The following KIAA1549L variants were observed in gnomAD, a reference collection of about 807,000 sequenced individuals.
The protein encoded by KIAA1549L is KIAA1549 like.
In KIAA1549L, 88 loss-of-function variants were observed where a neutral mutation model predicts 160.7. That is an observed-to-expected ratio of 0.55 (90% CI 0.46 to 0.65). The LOEUF (loss-of-function observed/expected upper bound fraction) is 0.65. Ranked by LOEUF, KIAA1549L falls within the 30% of genes least tolerant of loss-of-function variation. The pLI is 0.00. For synonymous variants in KIAA1549L, 950 were observed against 976.7 expected, an observed-to-expected ratio of 0.97 and a Z score of 0.51; for missense variants, 2,258 against 2,437.5, an observed-to-expected ratio of 0.93 and a Z score of 1.55.
intron 18 of KIAA1549L, 67 bp downstream of exon 18, chr11:33,656,176 CT>C: frequency 2.5e-6 from 3 of 1,203,586 alleles, no homozygotes; most frequent in Non-Finnish European, 3.6e-6. Flanking sequence ...GTACCCTGAC[CT>C]GACAACAGCA....
At chr11:33,665,375 C>G (rs906758559) in intron 20 of KIAA1549L, 16 of 151,992 alleles carry the variant, frequency 1.1e-4, no homozygotes, top group African/African-American at 3.6e-4. Flanking sequence ...ACTGCTCATT[C>G]CACTGTCTGC....
chr11:33,624,496 A>T (rs7117579), intron 16 of KIAA1549L, among the ~76,000 whole-genome samples: 109,945 of 152,114 alleles, frequency 0.72, 40,790 homozygotes, highest in African/African-American at 0.91. Context: ...AGCAAACATT[A>T]ATTGAGTGCA....
intron 16 of KIAA1549L, among the ~76,000 whole-genome samples, chr11:33,635,592 C>T (rs1851415505): frequency 6.6e-6 from 1 of 152,170 alleles, no homozygotes; most frequent in Non-Finnish European, 1.5e-5. Flanking sequence ...AACCCCTGTT[C>T]ACTTCGGGGC....
At chr11:33,530,436 AATATATATATAT>A (rs869093534) in intron 1 of KIAA1549L, among the ~76,000 whole-genome samples, 549 of 11,422 alleles carry the variant, frequency 0.048, 2 homozygotes, top group Admixed American at 0.076. Flanking sequence ...AAAAAAAAAA[AATATATATATAT>A]ATATATATAT....
intron 1 of KIAA1549L, among the ~76,000 whole-genome samples, chr11:33,454,815 C>T (rs952903444): frequency 1.3e-5 from 2 of 152,118 alleles, no homozygotes; most frequent in African/African-American, 2.4e-5. Flanking sequence ...GGTGGCTGGG[C>T]GCGGTGGCTC....
chr11:33,547,404 A>C (rs987300266), intron 3 of KIAA1549L, among the ~76,000 whole-genome samples: 1 of 152,218 alleles, frequency 6.6e-6, no homozygotes, highest in Admixed American at 6.5e-5. Context: ...TTGAGGCCGC[A>C]GCACCGAGCT....
intron 1 of KIAA1549L, among the ~76,000 whole-genome samples, chr11:33,385,279 T>G (rs975698377): frequency 6.6e-6 from 1 of 152,272 alleles, no homozygotes; most frequent in Non-Finnish European, 1.5e-5. Context: ...TAGTCTGTTC[T>G]ATTGTACTTC....
chr11:33,464,474 A>ATGTGTGTG (rs3038997), intron 1 of KIAA1549L, among the ~76,000 whole-genome samples: 5,565 of 140,126 alleles, frequency 0.04, 224 homozygotes, highest in Admixed American at 0.13. Flanking sequence ...CTGTGTGTGC[A>ATGTGTGTG]TGTGTGTGTG....
intron 13 of KIAA1549L, among the ~76,000 whole-genome samples, chr11:33,601,906 G>T (rs961088352): frequency 6.6e-6 from 1 of 152,224 alleles, no homozygotes; most frequent in Non-Finnish European, 1.5e-5. Flanking sequence ...ATGCTTACAT[G>T]TAAGTGGGAA....
chr11:33,646,493 A>G (rs952782826), intron 17 of KIAA1549L, among the ~76,000 whole-genome samples: 1 of 152,250 alleles, frequency 6.6e-6, no homozygotes, highest in African/African-American at 2.4e-5. Flanking sequence ...AGTTGACAGA[A>G]TCAGAATGGA....
At chr11:33,396,064 C>A (rs1197361158) in intron 1 of KIAA1549L, among the ~76,000 whole-genome samples, 1 of 152,078 alleles carries the variant, frequency 6.6e-6, no homozygotes, top group African/African-American at 2.4e-5. Context: ...ATTCCTCATA[C>A]CTTGTTATCC....
chr11:33,629,114 C>T (rs1020546632), intron 16 of KIAA1549L, among the ~76,000 whole-genome samples: 6 of 151,998 alleles, frequency 3.9e-5, no homozygotes, highest in African/African-American at 1.2e-4. Context: ...AATTTTGGCC[C>T]CCACTCTCTT....
intron 8 of KIAA1549L, among the ~76,000 whole-genome samples, chr11:33,564,003 C>T (rs1337898531): frequency 6.6e-6 from 1 of 152,124 alleles, no homozygotes; most frequent in Admixed American, 6.5e-5. Context: ...CAGGACTCTC[C>T]TCAGACTTAG....
chr11:33,635,431 G>A (rs1164899353), intron 16 of KIAA1549L, among the ~76,000 whole-genome samples: 2 of 152,230 alleles, frequency 1.3e-5, no homozygotes, highest in Non-Finnish European at 2.9e-5. Flanking sequence ...CGTGCAGGAT[G>A]GAGCTGCGAT....
chr11:33,550,355 A>AC, intron 4 of KIAA1549L, among the ~76,000 whole-genome samples: 1 of 152,064 alleles, frequency 6.6e-6, no homozygotes, highest in South Asian at 2.1e-4. Context: ...TTAAAAAAAA[A>AC]CCCTGAACTG....
chr11:33,650,523 T>C (rs913883655), intron 17 of KIAA1549L, among the ~76,000 whole-genome samples: 2 of 152,156 alleles, frequency 1.3e-5, no homozygotes, highest in African/African-American at 4.8e-5. Context: ...CAGTATCTGG[T>C]CCCTGTTTGT....
chr11:33,661,113 A>C, intron 20 of KIAA1549L, 99 bp downstream of exon 20: 7 of 1,220,802 alleles, frequency 5.7e-6, no homozygotes, highest in African/African-American at 1.5e-5. Flanking sequence ...TTGTTATCTC[A>C]GCCTCCTCAC....
At chr11:33,523,793 AATTT>A (rs1416130426) in intron 1 of KIAA1549L, among the ~76,000 whole-genome samples, 19 of 152,204 alleles carry the variant, frequency 1.2e-4, no homozygotes, top group Admixed American at 1.2e-3. Context: ...GTTATTAAAT[AATTT>A]ATTAAATGTA....
At chr11:33,651,417 A>G (rs931175755) in intron 17 of KIAA1549L, among the ~76,000 whole-genome samples, 3 of 151,354 alleles carry the variant, frequency 2.0e-5, no homozygotes, top group Admixed American at 1.3e-4. Context: ...AGCCTGTGCA[A>G]AAGAGCAAGA....
Sources: gnomAD v4.1 joint callset for allele counts (sites outside exome capture counted in the v4.1 genomes callset) on GRCh38, gnomAD v4.1.1 for gene constraint, MANE v1.5 for transcripts, NCBI Gene and HGNC (gene_info 2026-07-23, HGNC 2026-07-21) for gene names.